The following HPS4 variants were observed in gnomAD, a reference collection of about 807,000 sequenced individuals.
HPS4 encodes the protein HPS4 biogenesis of lysosomal organelles complex 3 subunit 2.
HPS4 carries 44 observed loss-of-function variants against 70.3 expected under a neutral mutation model. The ratio of observed to expected loss-of-function variants is 0.63; its 90% CI spans 0.49 to 0.80. HPS4 has a LOEUF of 0.80. HPS4 is among the 30% of genes least tolerant of loss of function. The probability of loss-of-function intolerance (pLI) is 0.00; values close to 1 mark genes in which losing one functional copy is unlikely to be tolerated. For synonymous variants in HPS4, 377 were observed against 355.9 expected, an observed-to-expected ratio of 1.06 and a Z score of -0.67; for missense variants, 873 against 884.4, an observed-to-expected ratio of 0.99 and a Z score of 0.16.
In HPS4 at chr22:26,457,037, A is replaced by G. The variant is rs1418758884; in HGVS notation, c.1955+822T>C. On this transcript the variant is annotated intron_variant, in intron 13 of 13. Transcript: ENST00000398145. Reference sequence around the variant, plus strand: ...TCTAGAAGACTTAAAATAATTAAAAATACAATTTATATGTGCAAAAAATAA... The same window carrying G: ...TCTAGAAGACTTAAAATAATTAAAAGTACAATTTATATGTGCAAAAAATAA... Among the ~76,000 whole-genome samples, 3 of 152,304 alleles carry G rather than the reference A, an allele frequency of 2.0e-5. No individual in the cohort carries two copies. The East Asian group carries it at 5.8e-4, about 29-fold the overall frequency.
intron 3 of HPS4, among the ~76,000 whole-genome samples, chr22:26,478,295 G>A (rs572419323): frequency 7.2e-5 from 11 of 152,170 alleles, no homozygotes; most frequent in African/African-American, 9.6e-5. Flanking sequence ...AAGTATTGCC[G>A]GGCGTGGTGG....
rs919538491 is a variant in HPS4, at chr22:26,452,630, A to C, written c.*603T>G. 1.9e-5 allele frequency: 5 copies of C among 268,380 alleles called. No individual in the cohort carries two copies. Among genetic ancestry groups the C allele is most frequent in the South Asian group, 7.4e-5 (2 of 27,008 alleles). 16.6% of individuals were successfully genotyped at this position (268,380 alleles called of 1,614,324 possible). ...CTTGCCCCCATTGTGGGTCCAAAGA[A>C]GACGCCCCTAGATTTGAGTAGAGTT... On this transcript the variant is annotated 3_prime_UTR_variant, in exon 14 of 14. Transcript: ENST00000398145.
At chr22:26,475,786 A>G (rs2090463288) in intron 4 of HPS4, 1 of 152,136 alleles carries the variant, frequency 6.6e-6, no homozygotes, top group African/African-American at 2.4e-5. Flanking sequence ...TCGCGCCTGT[A>G]ATCCCAGCAC....
At chr22:26,479,203 GA>G in intron 3 of HPS4, 61 bp downstream of exon 3, 1 of 1,553,024 alleles carries the variant, frequency 6.4e-7, no homozygotes, top group Non-Finnish European at 8.9e-7. Flanking sequence ...CCATACTTTT[GA>G]AAAGTCACCA....
At chr22:26,476,614 C>A (rs1203787674) in intron 4 of HPS4, 2 of 193,216 alleles carry the variant, frequency 1.0e-5, no homozygotes, top group Non-Finnish European at 2.2e-5. Context: ...TTAATGGGTT[C>A]TCTAAAACCT....
intron 1 of HPS4, among the ~76,000 whole-genome samples, 157 bp downstream of exon 1, chr22:26,483,517 G>A (rs1000179881): frequency 2.6e-5 from 4 of 152,240 alleles, no homozygotes; most frequent in Non-Finnish European, 5.9e-5. Context: ...CGCAGGCAGC[G>A]ACTGGTAACA....
rs2087842133 is a variant in HPS4, at chr22:26,463,839, T to G, written c.1713+78A>C. The G allele has an allele frequency of 6.2e-6, 9 of 1,458,742 alleles. No homozygotes were observed. In the South Asian group the frequency reaches 1.0e-4, roughly 17 times the overall value. The allele number at this position is 1,458,742 out of a possible 1,614,324, so 90.4% of individuals were successfully genotyped here. ...TGAGCCTTTATCTCTTCCCTGGGTG[T>G]TGGCACAGTGCTGTGAGGGAAGCAC... On this transcript the variant is annotated intron_variant, in intron 11 of 13. Coordinates refer to ENST00000398145, the MANE Select transcript of HPS4 (RefSeq NM_022081.6).
At chr22:26,443,398 G>C (rs529051023), downstream of HPS4, 1 of 542,534 alleles carries the variant, frequency 1.8e-6, no homozygotes, top group Non-Finnish European at 3.3e-6. Context: ...TTTTCGGCTT[G>C]TATTTCCTTA....
intron 13 of HPS4, among the ~76,000 whole-genome samples, chr22:26,454,296 G>A (rs185703537): frequency 5.4e-4 from 82 of 152,350 alleles, no homozygotes; most frequent in Middle Eastern, 3.4e-3. Flanking sequence ...AGATGGTTAT[G>A]AGCATGGATC....
rs867177849 is a variant in HPS4 at position 26,481,857 on chromosome 22, C to T, written c.-95G>A. 44 of 1,220,870 alleles carry T rather than the reference C, an allele frequency of 3.6e-5. 1 individual carries two copies. The Middle Eastern group carries it at 2.0e-3, about 56-fold the overall frequency. The allele number at this position is 1,220,870 out of a possible 1,614,324, so 75.6% of individuals were successfully genotyped here. ...TGTGACCGTTCCTCTATCCCCCAAT[C>T]CAGTGAATCTGGACGTGGTAGGTTT... On this transcript the variant is annotated 5_prime_UTR_variant, in exon 2 of 14. Transcript: ENST00000398145.
intron 10 of HPS4, among the ~76,000 whole-genome samples, chr22:26,465,037 T>C (rs559096234): frequency 6.6e-6 from 1 of 152,362 alleles, no homozygotes; most frequent in East Asian, 1.9e-4. Flanking sequence ...ACTCACCTAC[T>C]GAAAATGGCA....
chr22:26,460,899 A>G (rs760669330), intron 11 of HPS4, among the ~76,000 whole-genome samples: 2 of 152,268 alleles, frequency 1.3e-5, no homozygotes, highest in African/African-American at 2.4e-5. Context: ...AATTACTGGA[A>G]TACAGTCATA....
At chr22:26,478,458 C>T (rs1480151682) in intron 3 of HPS4, among the ~76,000 whole-genome samples, 4 of 150,884 alleles carry the variant, frequency 2.7e-5, no homozygotes, top group African/African-American at 9.7e-5. Context: ...GTAGTCCCAA[C>T]TACTCGGGAG....
chr22:26,475,001 T>C (rs1018540616), intron 4 of HPS4, among the ~76,000 whole-genome samples: 29 of 152,348 alleles, frequency 1.9e-4, no homozygotes, highest in African/African-American at 6.5e-4. Flanking sequence ...GTACAACCAC[T>C]GAAGGAAAAG....
chr22:26,482,792 T>C (rs1482488192), intron 1 of HPS4: 1 of 152,224 alleles, frequency 6.6e-6, no homozygotes, highest in Non-Finnish European at 1.5e-5. Flanking sequence ...TGGTTCACTA[T>C]GTTACATTTC....
Position 26,483,780 on chromosome 22 carries a change from A to C in HPS4, c.-585T>G, listed in dbSNP as rs187762406. On this transcript the variant is annotated 5_prime_UTR_variant, in exon 1 of 14. Coordinates refer to ENST00000398145, the MANE Select transcript of HPS4 (RefSeq NM_022081.6). ...TGCCCCGTACCTGCGCGCGCGGCAG[A>C]GAGGCCTTAGGTCACGCGCCGCCCC... is the stretch of plus-strand genomic sequence containing the variant. The C allele has an allele frequency of 1.0e-3, 785 of 752,502 alleles. 10 individuals carry two copies. In the East Asian group the frequency reaches 0.024, roughly 23 times the overall value. The allele number at this position is 752,502 out of a possible 1,614,324, so 46.6% of individuals were successfully genotyped here.
chr22:26,483,599 A>C, intron 1 of HPS4, 75 bp downstream of exon 1: 2 of 250,694 alleles, frequency 8.0e-6, no homozygotes, highest in Non-Finnish European at 1.5e-5. Flanking sequence ...CCTAAGGATT[A>C]GGCGGGGTCG....
intron 7 of HPS4, among the ~76,000 whole-genome samples, chr22:26,470,111 C>A (rs761733771): frequency 6.6e-6 from 1 of 152,250 alleles, no homozygotes; most frequent in Non-Finnish European, 1.5e-5. Flanking sequence ...AATGGCCCTG[C>A]CTGCCCTGGG....
At position 26,463,883 on chromosome 22, in the gene HPS4, G is replaced by A. The variant is rs532996881; in HGVS notation, c.1713+34C>T. ...GAAGCACAGGAGATCGGCAGAGGCC[G>A]CAGAGGGGCAGGAGAAGGTCTGAGG... On this transcript the variant is annotated intron_variant, in intron 11 of 13. Coordinates refer to ENST00000398145, the MANE Select transcript of HPS4 (RefSeq NM_022081.6). 19 of 1,604,670 alleles carry A rather than the reference G, an allele frequency of 1.2e-5. 1 individual carries two copies. The highest frequency in any genetic ancestry group is 4.0e-5 in the African/African-American group (3 of 74,892).
Sources: gnomAD v4.1 joint callset for allele counts (sites outside exome capture counted in the v4.1 genomes callset) on GRCh38, gnomAD v4.1.1 for gene constraint, MANE v1.5 for transcripts, NCBI Gene and HGNC (gene_info 2026-07-23, HGNC 2026-07-21) for gene names.